The following SRGAP1 variants were observed in gnomAD, a reference collection of about 807,000 sequenced individuals.
The protein encoded by SRGAP1 is SLIT-ROBO Rho GTPase activating protein 1.
In SRGAP1, 43 loss-of-function variants were observed where a neutral mutation model predicts 121.9. The observed-to-expected ratio is 0.35, with a 90% CI of 0.28 to 0.46. SRGAP1 has a LOEUF of 0.46. Ranked by LOEUF, SRGAP1 falls within the 20% of genes least tolerant of loss-of-function variation. SRGAP1 has a pLI of 1.00. For synonymous variants in SRGAP1, 447 were observed against 485.4 expected (o/e 0.92, Z 1.04); for missense variants, 1,102 against 1,350.9 (o/e 0.82, Z 2.89).
intron 17 of SRGAP1, among the ~76,000 whole-genome samples, chr12:64,114,083 A>G (rs1310204170): frequency 6.6e-6 from 1 of 152,128 alleles, no homozygotes; most frequent in Non-Finnish European, 1.5e-5. Context: ...AACTTAGTTG[A>G]CTATTTCCAG....
At chr12:63,885,876 C>A (rs1046695318) in intron 1 of SRGAP1, among the ~76,000 whole-genome samples, 18 of 152,118 alleles carry the variant, frequency 1.2e-4, no homozygotes, top group Admixed American at 2.0e-4. Context: ...TCACAGAGAC[C>A]AACTTTCACT....
intron 3 of SRGAP1, among the ~76,000 whole-genome samples, chr12:63,991,091 C>T (rs2033546252): frequency 6.6e-6 from 1 of 152,170 alleles, no homozygotes; most frequent in Non-Finnish European, 1.5e-5. Context: ...GGACCATTTC[C>T]TGTGCAGAGA....
At chr12:64,120,018 G>T (rs1224436950) in intron 18 of SRGAP1, among the ~76,000 whole-genome samples, 3 of 151,900 alleles carry the variant, frequency 2.0e-5, no homozygotes, top group African/African-American at 7.3e-5. Context: ...TAATCCACCC[G>T]CCTCAGCCTC....
At chr12:63,922,438 A>G (rs954476327) in intron 1 of SRGAP1, among the ~76,000 whole-genome samples, 4 of 152,232 alleles carry the variant, frequency 2.6e-5, no homozygotes, top group Admixed American at 1.3e-4. Context: ...CTGTTTTTAC[A>G]TTAGGGATGC....
intron 1 of SRGAP1, among the ~76,000 whole-genome samples, chr12:63,917,228 G>A (rs1004114057): frequency 3.3e-5 from 5 of 152,104 alleles, no homozygotes; most frequent in African/African-American, 9.7e-5. Context: ...CGTATAAAGC[G>A]TTATTATTGT....
At chr12:63,845,177 T>C (rs775787006) in intron 1 of SRGAP1, among the ~76,000 whole-genome samples, 2 of 152,206 alleles carry the variant, frequency 1.3e-5, no homozygotes, top group South Asian at 2.1e-4. Context: ...GGGCAACTTA[T>C]GTGGGAAGCA....
At chr12:63,983,005 G>T (rs1198773273) in intron 1 of SRGAP1, 1 of 152,218 alleles carries the variant, frequency 6.6e-6, no homozygotes. Context: ...TGCGTAAAAG[G>T]TGAAGGCCAG....
At chr12:63,975,187 A>G (rs911110067) in intron 1 of SRGAP1, among the ~76,000 whole-genome samples, 1 of 152,254 alleles carries the variant, frequency 6.6e-6, no homozygotes, top group Non-Finnish European at 1.5e-5. Context: ...GCAGTTAAGG[A>G]AACATGAGCT....
intron 1 of SRGAP1, among the ~76,000 whole-genome samples, chr12:63,880,861 G>A (rs559636244): frequency 1.4e-4 from 21 of 152,230 alleles, no homozygotes; most frequent in African/African-American, 3.1e-4. Context: ...GATGTACCTC[G>A]AAAATGTACT....
At chr12:64,049,217 A>G (rs2136515378) in intron 6 of SRGAP1, among the ~76,000 whole-genome samples, 1 of 152,334 alleles carries the variant, frequency 6.6e-6, no homozygotes, top group Middle Eastern at 3.4e-3. Flanking sequence ...ATTCTTCTGC[A>G]TACGGGTATC....
At chr12:63,911,298 C>CAAAAA (rs10715790) in intron 1 of SRGAP1, among the ~76,000 whole-genome samples, 20 of 89,916 alleles carry the variant, frequency 2.2e-4, no homozygotes, top group East Asian at 5.9e-4. Flanking sequence ...GACTCTGTCT[C>CAAAAA]AAAAAAAAAA....
At chr12:64,120,222 G>T (rs895221506) in intron 18 of SRGAP1, among the ~76,000 whole-genome samples, 1 of 151,904 alleles carries the variant, frequency 6.6e-6, no homozygotes, top group African/African-American at 2.4e-5. Context: ...AATTTGTTTT[G>T]TTGGCTCTCA....
intron 4 of SRGAP1, among the ~76,000 whole-genome samples, chr12:64,026,554 G>T (rs982093089): frequency 6.6e-6 from 1 of 152,050 alleles, no homozygotes; most frequent in Non-Finnish European, 1.5e-5. Context: ...TTTGGGGACC[G>T]AAATGGACCT....
Position 63,871,705 on chromosome 12 carries a change from T to G in SRGAP1, c.67+26822T>G, listed in dbSNP as rs1344240411. ...TAATTTTTCTATTGCTTCAACATTT[T>G]CTCTTCAAAATTAAAAGAAAAATAT... is the stretch of plus-strand genomic sequence containing the variant. On this transcript the variant is annotated intron_variant, in intron 1 of 21. Coordinates refer to ENST00000355086, the MANE Select transcript of SRGAP1 (RefSeq NM_020762.4). 7 of 826,440 alleles carry G rather than the reference T, an allele frequency of 8.5e-6. No homozygotes were observed. The East Asian group carries it at 1.5e-4, about 17-fold the overall frequency. 51.2% of individuals were successfully genotyped at this position (826,440 alleles called of 1,614,324 possible).
At chr12:63,971,669 A>G (rs1220521018) in intron 1 of SRGAP1, among the ~76,000 whole-genome samples, 2 of 152,180 alleles carry the variant, frequency 1.3e-5, no homozygotes, top group African/African-American at 4.8e-5. Context: ...AAGAGAATTA[A>G]CATATCTGAC....
At chr12:64,053,039 TA>T (rs1431427857) in intron 6 of SRGAP1, among the ~76,000 whole-genome samples, 3 of 152,214 alleles carry the variant, frequency 2.0e-5, no homozygotes, top group African/African-American at 4.8e-5. Context: ...GTTATAAATA[TA>T]AATGGCACAA....
rs2037077315 is a variant in SRGAP1, at chr12:64,147,798, A to G, written c.*5126A>G. 2 of 397,280 alleles carry G rather than the reference A, an allele frequency of 5.0e-6. No homozygotes were observed. 24.6% of individuals were successfully genotyped at this position (397,280 alleles called of 1,614,324 possible). A position where few individuals can be genotyped will look rare whatever the true frequency, so the allele number is the denominator to read the frequency against. ...CAGTATACAGTCAGGTTTGTTCTTCACGGTGTATCTTTATAATAAATAAGA... is the reference window on the plus strand; with the variant it reads ...CAGTATACAGTCAGGTTTGTTCTTCGCGGTGTATCTTTATAATAAATAAGA... On this transcript the variant is annotated 3_prime_UTR_variant, in exon 22 of 22. Coordinates refer to ENST00000355086, the MANE Select transcript of SRGAP1 (RefSeq NM_020762.4).
At chr12:63,902,955 A>G (rs1001661282) in intron 1 of SRGAP1, among the ~76,000 whole-genome samples, 2 of 152,136 alleles carry the variant, frequency 1.3e-5, no homozygotes, top group African/African-American at 2.4e-5. Flanking sequence ...GAATAGCACA[A>G]TTCTTTATTT....
At chr12:64,055,941 C>T (rs1041377208) in intron 6 of SRGAP1, among the ~76,000 whole-genome samples, 2 of 152,130 alleles carry the variant, frequency 1.3e-5, no homozygotes, top group Non-Finnish European at 2.9e-5. Flanking sequence ...CAGATTTGTA[C>T]ATCAACTCAC....
Sources: gnomAD v4.1 joint callset for allele counts (sites outside exome capture counted in the v4.1 genomes callset) on GRCh38, gnomAD v4.1.1 for gene constraint, MANE v1.5 for transcripts, NCBI Gene and HGNC (gene_info 2026-07-23, HGNC 2026-07-21) for gene names.